POLR2F: variants seen among roughly 807,000 people sequenced by gnomAD.
POLR2F encodes the protein DNA-directed RNA polymerases I, II, and III subunit RPABC2.
In POLR2F, 12 loss-of-function variants were observed where a neutral mutation model predicts 22.7. That is an observed-to-expected ratio of 0.53 (90% CI 0.34 to 0.86). POLR2F has a LOEUF of 0.86. POLR2F is among the 40% of genes least tolerant of loss of function. The pLI, the probability that POLR2F is intolerant of heterozygous loss-of-function variation, is 0.02. For missense variants in POLR2F, 126 were observed against 171.5 expected, an observed-to-expected ratio of 0.73 and a Z score of 1.48; for synonymous variants, 57 against 66.0, an observed-to-expected ratio of 0.86 and a Z score of 0.66.
chr22:38,025,706 A>G (rs1350712488), intron 1 of POLR2F: 1 of 1,535,174 alleles, frequency 6.5e-7, no homozygotes, highest in Non-Finnish European at 8.8e-7. Context: ...TCATCACCCC[A>G]TTGTACAGAT....
intron 5 of POLR2F, among the ~76,000 whole-genome samples, chr22:38,038,464 C>G: frequency 6.6e-6 from 1 of 152,066 alleles, no homozygotes; most frequent in East Asian, 1.9e-4. Flanking sequence ...GGCTCTGGAC[C>G]CAGGAGCCAC....
chr22:37,981,125 T>C (rs1226659916), intron 4 of POLR2F, among the ~76,000 whole-genome samples: 1 of 152,174 alleles, frequency 6.6e-6, no homozygotes. Flanking sequence ...CCACACTCCC[T>C]TGGGGCACTC....
Position 37,956,849 on chromosome 22 carries a change from A to T in POLR2F, c.90+7A>T, listed in dbSNP as rs1931423912. The stretch of plus-strand genomic sequence containing the variant: ...CTTGGAGAATGCCGAAGAGGTCAGT[A>T]TTCAGCCTCAGGCTCCCACCTCTGC... On this transcript the variant is annotated splice_region_variant and intron_variant, in intron 2 of 4. Transcript: ENST00000442738. 3 of 1,609,442 alleles carry T rather than the reference A, an allele frequency of 1.9e-6. No homozygotes were observed.
intron 4 of POLR2F, among the ~76,000 whole-genome samples, chr22:37,979,272 A>G (rs1378437383): frequency 1.3e-5 from 2 of 150,324 alleles, no homozygotes; most frequent in African/African-American, 2.5e-5. Flanking sequence ...TAATTTTTGT[A>G]TTTTTAGTAG....
At position 37,978,171 on chromosome 22, in the gene POLR2F, G is replaced by C. The variant is rs1932282518; in HGVS notation, c.293+11001G>C. The C allele has an allele frequency of 6.7e-7, 1 of 1,497,472 alleles. No individual in the cohort carries two copies. 92.8% of individuals were successfully genotyped at this position (1,497,472 alleles called of 1,614,324 possible). ...GTGGGAGGCGGAGAGGACAGCAGAGGGGCTGGCGTGAATGCCAGAGCACTC... is the reference window on the plus strand; with the variant it reads ...GTGGGAGGCGGAGAGGACAGCAGAGCGGCTGGCGTGAATGCCAGAGCACTC... On this transcript the variant is annotated intron_variant, in intron 4 of 4. Coordinates refer to the POLR2F transcript ENST00000405557. The surrounding 1 kb of genome is among the most constrained non-coding windows in gnomAD (Gnocchi z 5.0).
chr22:37,975,593 AGCTCCCCAAGGACAGGCCTGT>A (rs1335709982), intron 4 of POLR2F, among the ~76,000 whole-genome samples: 1 of 152,134 alleles, frequency 6.6e-6, no homozygotes, highest in African/African-American at 2.4e-5. Context: ...AGAGACTAGG[AGCTCCCCAAGGACAGGCCTGT>A]GCCTCCTTCA....
chr22:37,983,885 C>A (rs1451072273), upstream of POLR2F: 4 of 1,079,284 alleles, frequency 3.7e-6, no homozygotes, highest in Middle Eastern at 3.5e-4. This position sits in a 1 kb window ranked among gnomAD's most constrained non-coding sequence, Gnocchi z 9.5. Flanking sequence ...GGAAGGAGGG[C>A]GCGATGGAGC....
chr22:37,974,495 A>G lies in POLR2F; in HGVS notation c.293+7325A>G, dbSNP rs1932167521. On this transcript the variant is annotated intron_variant, in intron 4 of 4. Transcript: ENST00000405557. This position sits in a 1 kb window ranked among gnomAD's most constrained non-coding sequence, Gnocchi z 5.4. Reference sequence around the variant, plus strand: ...AGCCTCCTGAGTAGCTGGAATTACAAGCGCCCACCACAATGCCCAGCTAAT... The same window carrying G: ...AGCCTCCTGAGTAGCTGGAATTACAGGCGCCCACCACAATGCCCAGCTAAT... Among the ~76,000 whole-genome samples, 1 of 151,704 alleles carries G rather than the reference A, an allele frequency of 6.6e-6. No homozygotes were observed. Among genetic ancestry groups the G allele is most frequent in the Admixed American group, 6.6e-5 (1 of 15,244 alleles).
chr22:37,959,585 A>G (rs1202969430), intron 3 of POLR2F, 109 bp downstream of exon 3: 2 of 1,290,760 alleles, frequency 1.5e-6, no homozygotes, highest in East Asian at 2.4e-5. Context: ...CTGCTCTCAC[A>G]TTCCAAAAGT....
In POLR2F at chr22:37,953,815, C is replaced by T; in HGVS notation, c.20+8C>T. On this transcript the variant is annotated splice_region_variant and intron_variant, in intron 1 of 4. Coordinates refer to ENST00000442738, the MANE Select transcript of POLR2F (RefSeq NM_021974.5). ...GTCAGACAACGAGGACAAGTGAGTG[C>T]GGGAGCGGAGTGGCCTTTGCGGCAA... 1 of 1,608,190 alleles carries T rather than the reference C, an allele frequency of 6.2e-7. No homozygotes were observed. Among genetic ancestry groups the T allele is most frequent in the Non-Finnish European group, 8.5e-7 (1 of 1,178,362 alleles).
downstream of POLR2F, chr22:37,974,299 G>A: frequency 3.4e-6 from 3 of 879,604 alleles, no homozygotes; most frequent in Non-Finnish European, 5.3e-6. This position sits in a 1 kb window ranked among gnomAD's most constrained non-coding sequence, Gnocchi z 5.4. Context: ...GGCAGCGGGT[G>A]CCTCTGGGAA....
chr22:38,018,954 G>A (rs560127887), intron 1 of POLR2F, among the ~76,000 whole-genome samples: 1 of 152,314 alleles, frequency 6.6e-6, no homozygotes, highest in South Asian at 2.1e-4. Flanking sequence ...GGGAGAACCA[G>A]GCCATTGGCC....
chr22:37,999,208 A>C (rs927770976), intron 1 of POLR2F, among the ~76,000 whole-genome samples: 1 of 152,020 alleles, frequency 6.6e-6, no homozygotes, highest in Non-Finnish European at 1.5e-5. Flanking sequence ...GGTGCTGTGG[A>C]GTGCCAGCCT....
chr22:38,033,830 G>A (rs1233079418), intron 5 of POLR2F, among the ~76,000 whole-genome samples: 4 of 152,276 alleles, frequency 2.6e-5, no homozygotes, highest in South Asian at 2.1e-4. Flanking sequence ...GAAGGGCCTC[G>A]AGGCTTCTGT....
At chr22:37,982,159 C>T (rs934832794), upstream of POLR2F, among the ~76,000 whole-genome samples, 1 of 152,194 alleles carries the variant, frequency 6.6e-6, no homozygotes, top group Admixed American at 6.5e-5. Context: ...CTGACCACTC[C>T]TCAAAGTGTA....
chr22:37,967,253 T>G (rs1378146855), intron 4 of POLR2F, 83 bp downstream of exon 4: 1 of 1,597,040 alleles, frequency 6.3e-7, no homozygotes, highest in East Asian at 2.3e-5. Context: ...TTGCTCCCAC[T>G]TGCCTGGCTG....
At position 38,038,576 on chromosome 22, in the gene POLR2F, G is replaced by T. The variant is rs543390891; in HGVS notation, c.453-2492G>T. The stretch of plus-strand genomic sequence containing the variant: ...CCGTGGCCTTGAGCCCCTTGCGCCC[G>T]CGCCCATGGGGTTAAATCTCTCCCT... On this transcript the variant is annotated intron_variant, in intron 5 of 5. Transcript: ENST00000407936. Among the ~76,000 whole-genome samples the T allele has an allele frequency of 4.6e-5, 7 of 152,166 alleles. No individual in the cohort carries two copies. In the East Asian group the frequency reaches 1.4e-3, roughly 29 times the overall value.
chr22:37,978,339 A>T lies in POLR2F; in HGVS notation c.293+11169A>T, dbSNP rs1331578565. Among the ~76,000 whole-genome samples, 1 of 152,252 alleles carries T rather than the reference A, an allele frequency of 6.6e-6. No homozygotes were observed. The highest frequency in any genetic ancestry group is 1.5e-5 in the Non-Finnish European group (1 of 68,048). On this transcript the variant is annotated intron_variant, in intron 4 of 4. Coordinates refer to the POLR2F transcript ENST00000405557. This position sits in a 1 kb window ranked among gnomAD's most constrained non-coding sequence, Gnocchi z 5.0. ...GAGGCCCAAGGAATAACAGCCTCAG[A>T]GGGCTGCCCCCAAATCTTTCATGGG...
intron 3 of POLR2F, 93 bp downstream of exon 3, chr22:37,959,569 G>C: frequency 7.1e-7 from 1 of 1,408,950 alleles, no homozygotes; most frequent in Non-Finnish European, 9.7e-7. Context: ...CCTGAAAACA[G>C]ACTCTCTGCT....
Sources: allele counts gnomAD v4.1 joint callset (sites outside exome capture counted in the v4.1 genomes callset), GRCh38; gene constraint gnomAD v4.1.1; non-coding constraint Gnocchi (gnomAD v3.1); transcripts MANE v1.5; gene names NCBI Gene and HGNC (gene_info 2026-07-23, HGNC 2026-07-21).